The following PLCG1 variants were observed in gnomAD, a reference collection of about 807,000 sequenced individuals.
PLCG1 encodes the protein 1-phosphatidylinositol 4,5-bisphosphate phosphodiesterase gamma-1.
In PLCG1, 71 loss-of-function variants were observed where a neutral mutation model predicts 177.8. The ratio of observed to expected loss-of-function variants is 0.40; its 90% CI spans 0.33 to 0.49. The LOEUF is 0.49. Among genes scored for constraint, PLCG1 ranks in the 20% least tolerant of loss-of-function variants. PLCG1 has a pLI of 0.72. For synonymous variants in PLCG1, 658 were observed against 647.9 expected (o/e 1.02, Z -0.24); for missense variants, 1,281 against 1,709.0 (o/e 0.75, Z 4.42).
At chr20:41,168,302 C>T (rs571866669) in intron 20 of PLCG1, among the ~76,000 whole-genome samples, 4 of 152,286 alleles carry the variant, frequency 2.6e-5, no homozygotes, top group African/African-American at 9.6e-5. Flanking sequence ...AAGGCCTGGG[C>T]CCTATTTCTC....
chr20:41,139,310 A>G (rs2034734452), intron 1 of PLCG1, among the ~76,000 whole-genome samples: 1 of 152,210 alleles, frequency 6.6e-6, no homozygotes, highest in Non-Finnish European at 1.5e-5. Flanking sequence ...CGACACTGCA[A>G]AGAGCTGAGA....
Position 41,165,727 on chromosome 20 carries a change from G to A in PLCG1, c.1700G>A (p.Arg567His), listed in dbSNP as rs1220840032. The A allele has an allele frequency of 1.1e-5, 18 of 1,613,780 alleles. No individual in the cohort carries two copies. In the East Asian group the frequency reaches 1.3e-4, roughly 12 times the overall value. ...CGTGACGGGCGTCACATCGCTGAGCGCCTGCTTACTGAGTACTGCATCGAG... is the reference window on the plus strand; with the variant it reads ...CGTGACGGGCGTCACATCGCTGAGCACCTGCTTACTGAGTACTGCATCGAG... Reference protein sequence around the residue: ...AGRDGRHIAERLLTEYCIETG... With the variant: ...AGRDGRHIAEHLLTEYCIETG... The change falls in exon 16 of 32, where the codon CGC (arginine) becomes CAC (histidine). Residue 567 changes from arginine to histidine, a missense_variant. By Grantham distance (29) the Arg-to-His change is conservative. Coordinates refer to ENST00000685551, the MANE Select transcript of PLCG1 (RefSeq NM_002660.3). The surrounding 1 kb of genome is among the most constrained non-coding windows in gnomAD (Gnocchi z 6.6).
At position 41,160,870 on chromosome 20, in the gene PLCG1, C is replaced by T. The variant is rs2035471614; in HGVS notation, c.512+717C>T. 6.6e-6 allele frequency among the ~76,000 whole-genome samples: 1 copy of T among 152,150 alleles called. No homozygotes were observed. The highest frequency in any genetic ancestry group is 2.1e-4 in the South Asian group (1 of 4,832). Reference sequence around the variant, plus strand: ...GGCTTGAGCAACTGGAAAACAGAGTCACCATTGACTGAGATGAGAAGATCA... The same window carrying T: ...GGCTTGAGCAACTGGAAAACAGAGTTACCATTGACTGAGATGAGAAGATCA... On this transcript the variant is annotated intron_variant, in intron 4 of 31. Transcript: ENST00000685551. The surrounding 1 kb of genome is among the most constrained non-coding windows in gnomAD (Gnocchi z 5.5).
In PLCG1 at chr20:41,164,107, A is replaced by G; in HGVS notation, c.1123A>G (p.Met375Val). The G allele has an allele frequency of 2.5e-6, 4 of 1,614,070 alleles. No homozygotes were observed. Among genetic ancestry groups the G allele is most frequent in the Non-Finnish European group, 3.4e-6 (4 of 1,180,026 alleles). The change falls in exon 12 of 32, where the codon ATG (methionine) becomes GTG (valine). Residue 375 changes from methionine to valine, a missense_variant. Physicochemically the swap from Met to Val is conservative, Grantham distance 21 (BLOSUM62 1). Coordinates refer to ENST00000685551, the MANE Select transcript of PLCG1 (RefSeq NM_002660.3). The surrounding 1 kb of genome is among the most constrained non-coding windows in gnomAD (Gnocchi z 6.4). ...GGACTGCTGGGACGGCCCGGATGGG[A>G]TGCCAGTTATTTACCATGGGCACAC... ...ELDCWDGPDG[M>V]PVIYHGHTLT...
At chr20:41,162,762 C>T (rs751074203) in intron 6 of PLCG1, 37 bp downstream of exon 6, 6 of 1,535,842 alleles carry the variant, frequency 3.9e-6, no homozygotes, top group Non-Finnish European at 5.4e-6. Context: ...ACCCCTGCCC[C>T]TGCTCTTCCA....
chr20:41,165,459 C>T lies in PLCG1; in HGVS notation c.1519C>T (p.Pro507Ser). Reference protein sequence around the residue: ...LEDPVNHEWYPHYFVLTSSKI... With the variant: ...LEDPVNHEWYSHYFVLTSSKI... ...CTTTGGTCTGTTCCAGGAATGGTATCCCCACTACTTTGTTCTGACCAGCAG... is the reference window on the plus strand; with the variant it reads ...CTTTGGTCTGTTCCAGGAATGGTATTCCCACTACTTTGTTCTGACCAGCAG... Residue 507 changes from proline to serine, a missense_variant, in exon 15 of 32, where the codon CCC (proline) becomes TCC (serine). By Grantham distance (74) the Pro-to-Ser change is moderately conservative. This residue lies in a region of PLCG1 where 723 missense variants were observed against 1,030.0 expected (regional missense o/e 0.70). Coordinates refer to ENST00000685551, the MANE Select transcript of PLCG1 (RefSeq NM_002660.3). The surrounding 1 kb of genome is among the most constrained non-coding windows in gnomAD (Gnocchi z 6.6). The T allele has an allele frequency of 1.2e-6, 2 of 1,613,976 alleles. No individual in the cohort carries two copies. The highest frequency in any genetic ancestry group is 8.5e-7 in the Non-Finnish European group (1 of 1,179,878).
chr20:41,174,272 AG>A lies in PLCG1; in HGVS notation c.3796del (p.Glu1266SerfsTer71). The A allele has an allele frequency of 6.2e-7, 1 of 1,614,226 alleles. No homozygotes were observed. Among genetic ancestry groups the A allele is most frequent in the Non-Finnish European group, 8.5e-7 (1 of 1,180,028 alleles). ...CCGTTTGAGGACTTCCGCATCTCCCAGGAGCATCTCGCAGACCATTTTGACA... is the reference window on the plus strand; with the variant it reads ...CCGTTTGAGGACTTCCGCATCTCCCAGAGCATCTCGCAGACCATTTTGACA... ...QQPFEDFRISQEHLADHFDSR... is the reference protein window; with the variant it reads ...QQPFEDFRISXEHLADHFDSR... On this transcript the variant is annotated frameshift_variant, in exon 31 of 32. Coordinates refer to ENST00000685551, the MANE Select transcript of PLCG1 (RefSeq NM_002660.3). LOFTEE classifies it high-confidence loss of function. The surrounding 1 kb of genome is among the most constrained non-coding windows in gnomAD (Gnocchi z 5.8).
intron 1 of PLCG1, among the ~76,000 whole-genome samples, chr20:41,141,059 G>T (rs1301263266): frequency 6.6e-6 from 1 of 152,230 alleles, no homozygotes; most frequent in African/African-American, 2.4e-5. Context: ...GACAGCCTCA[G>T]CCTCTCTAGG....
At chr20:41,168,958 CTG>C in intron 21 of PLCG1, 88 bp downstream of exon 21, 2 of 1,133,616 alleles carry the variant, frequency 1.8e-6, no homozygotes, top group Non-Finnish European at 2.7e-6. Flanking sequence ...TGCTTGTCTC[CTG>C]TGTGCACCAG....
In PLCG1 at chr20:41,148,125, A is replaced by C. The variant is rs2146008855; in HGVS notation, c.217+10267A>C. Reference sequence around the variant, plus strand: ...TCTCAGCAAGCAGGCCTCTGACCTGACGACTTCCGGTCATTATTTAGAACG... The same window carrying C: ...TCTCAGCAAGCAGGCCTCTGACCTGCCGACTTCCGGTCATTATTTAGAACG... On this transcript the variant is annotated intron_variant, in intron 1 of 31. Coordinates refer to ENST00000685551, the MANE Select transcript of PLCG1 (RefSeq NM_002660.3). This position sits in a 1 kb window ranked among gnomAD's most constrained non-coding sequence, Gnocchi z 4.3. Among the ~76,000 whole-genome samples, 1 of 152,286 alleles carries C rather than the reference A, an allele frequency of 6.6e-6. No individual in the cohort carries two copies. Among genetic ancestry groups the C allele is most frequent in the South Asian group, 2.1e-4 (1 of 4,832 alleles).
chr20:41,165,336 G>A lies in PLCG1; in HGVS notation c.1478G>A (p.Gly493Asp), dbSNP rs191463364. 3 of 1,614,170 alleles carry A rather than the reference G, an allele frequency of 1.9e-6. No individual in the cohort carries two copies. In the East Asian group the frequency reaches 6.7e-5, roughly 36 times the overall value. The change falls in exon 14 of 32, where the codon GGC becomes GAC. Residue 493 changes from glycine to aspartate, a missense_variant. Physicochemically the swap from Gly to Asp is moderately conservative, Grantham distance 94 (BLOSUM62 -1). Around this residue, in one of 4 missense-constraint regions of PLCG1, gnomAD observed 723 missense variants for 1,030.0 expected, o/e 0.70. Coordinates refer to ENST00000685551, the MANE Select transcript of PLCG1 (RefSeq NM_002660.3). The surrounding 1 kb of genome is among the most constrained non-coding windows in gnomAD (Gnocchi z 6.6). ...GACATCAGCAACTCTATCAAGAATGGCATCCTCTACCTGGAGGACCCTGTG... is the reference window on the plus strand; with the variant it reads ...GACATCAGCAACTCTATCAAGAATGACATCCTCTACCTGGAGGACCCTGTG... ...ENDISNSIKN[G>D]ILYLEDPVNH...
chr20:41,140,951 C>G (rs1336758070), intron 1 of PLCG1, among the ~76,000 whole-genome samples: 7 of 152,178 alleles, frequency 4.6e-5, no homozygotes, highest in African/African-American at 1.7e-4. Context: ...CAACCCCAAG[C>G]CCATGTTCCC....
At chr20:41,162,124 AG>A in intron 4 of PLCG1, among the ~76,000 whole-genome samples, 1 of 150,750 alleles carries the variant, frequency 6.6e-6, no homozygotes, top group Non-Finnish European at 1.5e-5. Flanking sequence ...TGCCGGTAGG[AG>A]GGGAGGCCTG....
At position 41,165,998 on chromosome 20, in the gene PLCG1, C is replaced by T. The variant is rs907293688; in HGVS notation, c.1799+172C>T. The T allele has an allele frequency of 1.6e-5, 11 of 686,430 alleles. No homozygotes were observed. The highest frequency in any genetic ancestry group is 3.8e-4 in the Middle Eastern group (1 of 2,602). 42.5% of individuals were successfully genotyped at this position (686,430 alleles called of 1,614,324 possible). ...CACACACTCTCTGTCTCACCCCCCC[C>T]CCATACCCCTCCCTTTTCGGTTCAT... is the stretch of plus-strand genomic sequence containing the variant. On this transcript the variant is annotated intron_variant, in intron 16 of 31. Transcript: ENST00000685551. The surrounding 1 kb of genome is among the most constrained non-coding windows in gnomAD (Gnocchi z 6.6).
intron 22 of PLCG1, 63 bp downstream of exon 22, chr20:41,169,238 C>A: frequency 8.0e-7 from 1 of 1,252,288 alleles, no homozygotes; most frequent in Non-Finnish European, 1.2e-6. Context: ...GGCATGCCCC[C>A]ATCACACAGT....
At position 41,160,516 on chromosome 20, in the gene PLCG1, G is replaced by T. The variant is rs1568741026; in HGVS notation, c.512+363G>T. ...CAGCCAGAGGGGCCAAGGAGAGAAG[G>T]GGGAGCAAAGACCAGATAGTGTGGG... On this transcript the variant is annotated intron_variant, in intron 4 of 31. Transcript: ENST00000685551. This position sits in a 1 kb window ranked among gnomAD's most constrained non-coding sequence, Gnocchi z 5.5. Among the ~76,000 whole-genome samples, 1 of 152,212 alleles carries T rather than the reference G, an allele frequency of 6.6e-6. No individual in the cohort carries two copies. Among genetic ancestry groups the T allele is most frequent in the African/African-American group, 2.4e-5 (1 of 41,438 alleles).
rs2035425948 is a variant in PLCG1, at chr20:41,159,535, A to G, written c.218-71A>G. On this transcript the variant is annotated intron_variant, in intron 1 of 31. Coordinates refer to ENST00000685551, the MANE Select transcript of PLCG1 (RefSeq NM_002660.3). This position sits in a 1 kb window ranked among gnomAD's most constrained non-coding sequence, Gnocchi z 6.0. ...GAGAGAGTGTAAGAATGAGGAAACCAGGCTGCCCTCCTTTCGGTGTTGACT... is the reference window on the plus strand; with the variant it reads ...GAGAGAGTGTAAGAATGAGGAAACCGGGCTGCCCTCCTTTCGGTGTTGACT... The G allele has an allele frequency of 3.9e-6, 6 of 1,524,522 alleles. No individual in the cohort carries two copies. Among genetic ancestry groups the G allele is most frequent in the South Asian group, 1.2e-5 (1 of 83,642 alleles). 94.4% of individuals were successfully genotyped at this position (1,524,522 alleles called of 1,614,324 possible).
intron 4 of PLCG1, 196 bp from the exon 5 acceptor site, chr20:41,162,253 TTTG>T: frequency 1.3e-5 from 4 of 312,778 alleles, no homozygotes; most frequent in Non-Finnish European, 2.3e-5. Flanking sequence ...TTTTTTTTTT[TTTG>T]CTCAGATGAG....
rs1005666587 is a variant in PLCG1 at position 41,164,829 on chromosome 20, A to T, written c.1218-104A>T. ...CTTTTCTGGGATAGTTTTTACAGACAAGAAGCCCCCAGGCCCTTGGCTTCC... is the reference window on the plus strand; with the variant it reads ...CTTTTCTGGGATAGTTTTTACAGACTAGAAGCCCCCAGGCCCTTGGCTTCC... On this transcript the variant is annotated intron_variant, in intron 12 of 31. Transcript: ENST00000685551. The surrounding 1 kb of genome is among the most constrained non-coding windows in gnomAD (Gnocchi z 6.4). The T allele has an allele frequency of 1.1e-4, 123 of 1,144,320 alleles. No homozygotes were observed. Among genetic ancestry groups the T allele is most frequent in the Non-Finnish European group, 1.4e-4 (115 of 799,056 alleles). The allele number at this position is 1,144,320 out of a possible 1,614,324, so 70.9% of individuals were successfully genotyped here.
Sources: allele counts gnomAD v4.1 joint callset (sites outside exome capture counted in the v4.1 genomes callset), GRCh38; gene constraint gnomAD v4.1.1; regional missense constraint gnomAD v4.1.1; non-coding constraint Gnocchi (gnomAD v3.1); transcripts MANE v1.5; gene names NCBI Gene and HGNC (gene_info 2026-07-23, HGNC 2026-07-21).